SUCLG2: variants seen among roughly 807,000 people sequenced by gnomAD.
SUCLG2 encodes succinate--CoA ligase [GDP-forming] subunit beta, mitochondrial.
In SUCLG2, 42 loss-of-function variants were observed where a neutral mutation model predicts 47.9. The observed-to-expected ratio is 0.88, with a 90% CI of 0.69 to 1.14. SUCLG2 has a LOEUF of 1.14. SUCLG2 is among the 50% of genes most tolerant of loss of function. The pLI, the probability that SUCLG2 is intolerant of heterozygous loss-of-function variation, is 0.00. For synonymous variants in SUCLG2, 195 were observed against 197.3 expected, an observed-to-expected ratio of 0.99 and a Z score of 0.10; for missense variants, 571 against 525.9, an observed-to-expected ratio of 1.09 and a Z score of -0.84.
chr3:67,414,865 T>C (rs1703004879), intron 9 of SUCLG2, among the ~76,000 whole-genome samples: 1 of 152,222 alleles, frequency 6.6e-6, no homozygotes, highest in African/African-American at 2.4e-5. Context: ...TATTTCTTTT[T>C]TCTTTATGAG....
At position 67,367,129 on chromosome 3, in the gene SUCLG2, A is replaced by C. The variant is rs183294344; in HGVS notation, c.1184-6361T>G. 8.8e-3 allele frequency among the ~76,000 whole-genome samples: 1,346 copies of C among 152,258 alleles called. 14 individuals are homozygous for C. The highest frequency in any genetic ancestry group is 9.8e-3 in the Non-Finnish European group (669 of 68,014). On this transcript the variant is annotated intron_variant, in intron 10 of 10. Coordinates refer to the SUCLG2 transcript ENST00000493112. ...ACATGCTCTTTGAGAACCAGTAACT[A>C]ATTATATTATTCCAGTTAAAGATCT...
At chr3:67,502,775 G>C (rs1371543757) in intron 7 of SUCLG2, among the ~76,000 whole-genome samples, 1 of 152,144 alleles carries the variant, frequency 6.6e-6, no homozygotes, top group Non-Finnish European at 1.5e-5. Context: ...ATATGTACAG[G>C]TTACCCATGG....
chr3:67,386,624 C>G (rs557449885), intron 10 of SUCLG2, among the ~76,000 whole-genome samples: 9 of 152,184 alleles, frequency 5.9e-5, no homozygotes, highest in African/African-American at 2.2e-4. Flanking sequence ...TAGGGGAATT[C>G]CCCTTTGTAA....
intron 9 of SUCLG2, among the ~76,000 whole-genome samples, chr3:67,449,231 T>C (rs1443223650): frequency 2.0e-5 from 3 of 152,176 alleles, no homozygotes; most frequent in Non-Finnish European, 4.4e-5. Flanking sequence ...TTAGGAAATA[T>C]GTGAATGTTT....
At chr3:67,607,212 C>A (rs574270217) in intron 2 of SUCLG2, among the ~76,000 whole-genome samples, 40 of 152,242 alleles carry the variant, frequency 2.6e-4, no homozygotes, top group Admixed American at 7.2e-4. Flanking sequence ...TAGATGGTAG[C>A]CACTAGCCAC....
At chr3:67,576,107 T>C (rs1051554879) in intron 2 of SUCLG2, among the ~76,000 whole-genome samples, 1 of 152,216 alleles carries the variant, frequency 6.6e-6, no homozygotes, top group Non-Finnish European at 1.5e-5. Flanking sequence ...ATGGGTCTCC[T>C]TGCTATTTCC....
chr3:67,617,023 C>A (rs1468247602), intron 1 of SUCLG2, among the ~76,000 whole-genome samples: 3 of 152,144 alleles, frequency 2.0e-5, no homozygotes. Flanking sequence ...TTTAGTTTTG[C>A]CAATGTTGTT....
chr3:67,647,892 A>T (rs1701218957), intron 1 of SUCLG2, among the ~76,000 whole-genome samples: 1 of 152,220 alleles, frequency 6.6e-6, no homozygotes, highest in Non-Finnish European at 1.5e-5. Context: ...AAGTGAAATA[A>T]AATGTATGGA....
intron 2 of SUCLG2, among the ~76,000 whole-genome samples, chr3:67,576,644 T>G (rs540214726): frequency 6.6e-6 from 1 of 152,332 alleles, no homozygotes; most frequent in Non-Finnish European, 1.5e-5. Context: ...GAGATCATCT[T>G]AAGGAAATAG....
chr3:67,404,210 G>T (rs1248751796), intron 9 of SUCLG2, among the ~76,000 whole-genome samples: 1 of 152,086 alleles, frequency 6.6e-6, no homozygotes, highest in Non-Finnish European at 1.5e-5. Context: ...CTGGGTAGAC[G>T]CAAGTCTTGA....
intron 10 of SUCLG2, among the ~76,000 whole-genome samples, chr3:67,382,013 A>G (rs1282244324): frequency 6.6e-6 from 1 of 152,218 alleles, no homozygotes; most frequent in Admixed American, 6.5e-5. Context: ...CCTGCCTTTT[A>G]TCATAAGGCT....
intron 2 of SUCLG2, among the ~76,000 whole-genome samples, chr3:67,597,806 C>T (rs772314407): frequency 4.0e-5 from 6 of 151,598 alleles, no homozygotes; most frequent in Non-Finnish European, 2.9e-5. Flanking sequence ...GGCACGGTGG[C>T]GGGTGCCTGT....
At chr3:67,545,077 C>A (rs1706828212) in intron 2 of SUCLG2, among the ~76,000 whole-genome samples, 1 of 152,160 alleles carries the variant, frequency 6.6e-6, no homozygotes, top group Non-Finnish European at 1.5e-5. Flanking sequence ...TAAGCTAACT[C>A]TCCTATAAAA....
At chr3:67,480,603 A>G (rs1295073845) in intron 9 of SUCLG2, among the ~76,000 whole-genome samples, 1 of 152,188 alleles carries the variant, frequency 6.6e-6, no homozygotes, top group Non-Finnish European at 1.5e-5. Context: ...CTACTAGGGA[A>G]TGTAGCCTCC....
At chr3:67,551,131 TA>T (rs990159918) in intron 2 of SUCLG2, among the ~76,000 whole-genome samples, 1 of 152,166 alleles carries the variant, frequency 6.6e-6, no homozygotes, top group Non-Finnish European at 1.5e-5. Flanking sequence ...TATTCAGAAA[TA>T]AGTAAAATGT....
chr3:67,460,144 C>A lies in SUCLG2; in HGVS notation c.1062+35654G>T, dbSNP rs79959537. 5.0e-3 allele frequency among the ~76,000 whole-genome samples: 763 copies of A among 152,262 alleles called. 8 individuals are homozygous for A. The highest frequency in any genetic ancestry group is 0.018 in the African/African-American group (741 of 41,544). On this transcript the variant is annotated intron_variant, in intron 9 of 10. Coordinates refer to ENST00000307227, the MANE Select transcript of SUCLG2 (RefSeq NM_003848.4). ...AATTGATATTGGATATCTCAGTAGG[C>A]CCTGCCTTATACCAATTAATTTCTT...
intron 9 of SUCLG2, among the ~76,000 whole-genome samples, chr3:67,458,440 C>A (rs1443923464): frequency 6.6e-6 from 1 of 152,142 alleles, no homozygotes; most frequent in Non-Finnish European, 1.5e-5. Context: ...GAGAACAATT[C>A]TGTATATTAT....
intron 9 of SUCLG2, among the ~76,000 whole-genome samples, chr3:67,434,623 C>G (rs924717309): frequency 6.6e-6 from 1 of 152,118 alleles, no homozygotes; most frequent in Non-Finnish European, 1.5e-5. Flanking sequence ...TTTCTCAACA[C>G]TTAGGATGAG....
chr3:67,370,030 A>C (rs1206673194), downstream of SUCLG2, among the ~76,000 whole-genome samples: 1 of 152,200 alleles, frequency 6.6e-6, no homozygotes, highest in East Asian at 1.9e-4. Flanking sequence ...TATAAAAAAT[A>C]AAAGTATGAG....
Sources: allele counts gnomAD v4.1 joint callset (sites outside exome capture counted in the v4.1 genomes callset), GRCh38; gene constraint gnomAD v4.1.1; transcripts MANE v1.5; gene names NCBI Gene and HGNC (gene_info 2026-07-23, HGNC 2026-07-21).